The following MAFK variants were observed in gnomAD, a reference collection of about 807,000 sequenced individuals.
MAFK encodes MAF bZIP transcription factor K, also known as transcription factor MafK.
In MAFK, 1 loss-of-function variant was observed where a neutral mutation model predicts 9.2. That is an observed-to-expected ratio of 0.11 (90% CI 0.04 to 0.52). The LOEUF (loss-of-function observed/expected upper bound fraction) is 0.52, where lower values mean the gene tolerates loss of function less well. Ranked by LOEUF, MAFK falls within the 20% of genes least tolerant of loss-of-function variation. The probability of loss-of-function intolerance (pLI) is 0.94; values close to 1 mark genes in which losing one functional copy is unlikely to be tolerated. For synonymous variants in MAFK, 110 were observed against 107.4 expected (o/e 1.02, Z -0.15); for missense variants, 207 against 236.0 (o/e 0.88, Z 0.81).
In MAFK at chr7:1,532,943, C is replaced by G. The variant is rs960983198; in HGVS notation, c.-45+2045C>G. Among the ~76,000 whole-genome samples, 2 of 152,208 alleles carry G rather than the reference C, an allele frequency of 1.3e-5. No individual in the cohort carries two copies. Among genetic ancestry groups the G allele is most frequent in the Admixed American group, 6.5e-5 (1 of 15,276 alleles). ...ACAGTGACTCACCGCTCCGTCCCCA[C>G]CCTCCCTGCTCTCCGCGAATGGAAG... On this transcript the variant is annotated intron_variant, in intron 1 of 2. Transcript: ENST00000343242. The surrounding 1 kb of genome is among the most constrained non-coding windows in gnomAD (Gnocchi z 4.5).
At position 1,540,404 on chromosome 7, in the gene MAFK, G is replaced by GGGGGGCGGGGGGTGGCGGGCT; in HGVS notation, c.*30_*31insGGGGCGGGGGGTGGCGGGCTG. 7.4e-7 allele frequency: 1 copy of GGGGGGCGGGGGGTGGCGGGCT among 1,342,924 alleles called. No individual in the cohort carries two copies. Among genetic ancestry groups the GGGGGGCGGGGGGTGGCGGGCT allele is most frequent in the Non-Finnish European group, 1.0e-6 (1 of 1,002,272 alleles). The allele number at this position is 1,342,924 out of a possible 1,614,324, so 83.2% of individuals were successfully genotyped here. A position where few individuals can be genotyped will look rare whatever the true frequency, so the allele number is the denominator to read the frequency against. ...CGGCCGGGGGCGGGGGGTGGCGGGC[G>GGGGGGCGGGGGGTGGCGGGCT]GCGGGCGGCGGGCAGGCGGGTGGGG... is the stretch of plus-strand genomic sequence containing the variant. On this transcript the variant is annotated 3_prime_UTR_variant, in exon 3 of 3. Coordinates refer to ENST00000343242, the MANE Select transcript of MAFK (RefSeq NM_002360.4).
chr7:1,533,027 G>A (rs904026746), intron 1 of MAFK, among the ~76,000 whole-genome samples: 1 of 152,160 alleles, frequency 6.6e-6, no homozygotes, highest in Non-Finnish European at 1.5e-5. Flanking sequence ...TCATGTTTCC[G>A]CTTTCCTACA....
rs745403860 is a variant in MAFK, at chr7:1,534,269, T to C, written c.-45+3371T>C. The C allele has an allele frequency of 2.0e-5, 9 of 455,668 alleles. No individual in the cohort carries two copies. Among genetic ancestry groups the C allele is most frequent in the Admixed American group, 2.4e-5 (1 of 42,544 alleles). The allele number at this position is 455,668 out of a possible 1,614,324, so 28.2% of individuals were successfully genotyped here. ...GTAGGAAGGGTGTCTGGCTGGTCTC[T>C]GGGACCAGCTGGGCTGCAATTAGTC... On this transcript the variant is annotated intron_variant, in intron 1 of 2. Coordinates refer to ENST00000343242, the MANE Select transcript of MAFK (RefSeq NM_002360.4). The surrounding 1 kb of genome is among the most constrained non-coding windows in gnomAD (Gnocchi z 4.3).
At chr7:1,537,702 T>C in intron 1 of MAFK, 1 of 985,566 alleles carries the variant, frequency 1.0e-6, no homozygotes, top group Non-Finnish European at 1.2e-6. Context: ...GTCTCACCTG[T>C]GCGGCCCTCT....
intron 2 of MAFK, 38 bp from the exon 3 acceptor site, chr7:1,539,903 C>A: frequency 6.8e-7 from 1 of 1,467,684 alleles, no homozygotes; most frequent in Non-Finnish European, 9.1e-7. Context: ...AGACACCCCA[C>A]GTTCTCCCGC....
chr7:1,537,296 C>T (rs1020329376), intron 1 of MAFK: 13 of 819,290 alleles, frequency 1.6e-5, no homozygotes, highest in Non-Finnish European at 1.5e-5. Context: ...GGCCCAGGAG[C>T]GGGTCCTTGC....
rs1012047007 is a variant in MAFK at position 1,539,011 on chromosome 7, T to C, written c.-44-138T>C. On this transcript the variant is annotated intron_variant, in intron 1 of 2. Transcript: ENST00000343242. ...CCCCTCAGGACGGGCTGGGCCCGGA[T>C]GGTGCCCCGTCTTGTTTTCATGGTG... 6 of 692,908 alleles carry C rather than the reference T, an allele frequency of 8.7e-6. No homozygotes were observed. In the African/African-American group the frequency reaches 9.1e-5, roughly 11 times the overall value. The allele number at this position is 692,908 out of a possible 1,614,324, so 42.9% of individuals were successfully genotyped here.
At chr7:1,537,282 C>A in intron 1 of MAFK, 1 of 732,372 alleles carries the variant, frequency 1.4e-6, no homozygotes, top group Non-Finnish European at 1.7e-6. Flanking sequence ...GCAGTGGGCC[C>A]GGGGGCCCAG....
chr7:1,537,370 A>G (rs1784056656), intron 1 of MAFK: 1 of 985,402 alleles, frequency 1.0e-6, no homozygotes, highest in Non-Finnish European at 1.2e-6. Flanking sequence ...GACTCACCGC[A>G]TAGCTATGTC....
At chr7:1,535,772 G>T (rs955229352) in intron 1 of MAFK, among the ~76,000 whole-genome samples, 6 of 152,296 alleles carry the variant, frequency 3.9e-5, no homozygotes, top group Admixed American at 1.3e-4. Flanking sequence ...CTGCCGGGGG[G>T]AGCCCAGGGC....
chr7:1,535,850 C>T (rs1784014961), intron 1 of MAFK, among the ~76,000 whole-genome samples: 2 of 152,330 alleles, frequency 1.3e-5, no homozygotes, highest in Non-Finnish European at 2.9e-5. Flanking sequence ...TTATGGAGCC[C>T]AGGCCCTCAG....
At chr7:1,539,297 C>G (rs1784114491) in intron 2 of MAFK, 69 bp downstream of exon 2, 1 of 1,358,202 alleles carries the variant, frequency 7.4e-7, no homozygotes, top group Admixed American at 1.9e-5. Flanking sequence ...CCGACAGCCC[C>G]TGCTATCCCA....
rs766092208 is a variant in MAFK at position 1,541,739 on chromosome 7, C to A, written c.*1364C>A. On this transcript the variant is annotated 3_prime_UTR_variant, in exon 3 of 3. Coordinates refer to ENST00000343242, the MANE Select transcript of MAFK (RefSeq NM_002360.4). Reference sequence around the variant, plus strand: ...TTGCCTGCTCCTCCTTCCAAGAGCACTGAGGCACCAGTGGGCTTGGCACTC... The same window carrying A: ...TTGCCTGCTCCTCCTTCCAAGAGCAATGAGGCACCAGTGGGCTTGGCACTC... The A allele has an allele frequency of 6.6e-6, 1 of 152,230 alleles. No individual in the cohort carries two copies. The highest frequency in any genetic ancestry group is 2.4e-5 in the African/African-American group (1 of 41,446). The allele number at this position is 152,230 out of a possible 1,614,324, so 9.4% of individuals were successfully genotyped here. A position where few individuals can be genotyped will look rare whatever the true frequency, so the allele number is the denominator to read the frequency against.
In MAFK at chr7:1,534,541, A is replaced by G. The variant is rs1240059007; in HGVS notation, c.-45+3643A>G. ...TTCTGAACCCGTGTCTCTCGCACAG[A>G]GCTCCCGTCCTCCGTTCCTGGTCTT... On this transcript the variant is annotated intron_variant, in intron 1 of 2. Coordinates refer to ENST00000343242, the MANE Select transcript of MAFK (RefSeq NM_002360.4). This position sits in a 1 kb window ranked among gnomAD's most constrained non-coding sequence, Gnocchi z 4.3. 4 of 455,352 alleles carry G rather than the reference A, an allele frequency of 8.8e-6. No individual in the cohort carries two copies. Among genetic ancestry groups the G allele is most frequent in the Non-Finnish European group, 1.3e-5 (3 of 226,438 alleles). The allele number at this position is 455,352 out of a possible 1,614,324, so 28.2% of individuals were successfully genotyped here.
At position 1,537,122 on chromosome 7, in the gene MAFK, G is replaced by A. The variant is rs548788343; in HGVS notation, c.-44-2027G>A. Among the ~76,000 whole-genome samples the A allele has an allele frequency of 1.2e-3, 176 of 152,362 alleles. 1 individual carries two copies. Among genetic ancestry groups the A allele is most frequent in the Non-Finnish European group, 2.1e-3 (141 of 68,036 alleles). ...ACCGTGTGCCTCCGCAGTGTCACAG[G>A]GCATCGCGGAGGCATCTTTTTAGTG... On this transcript the variant is annotated intron_variant, in intron 1 of 2. Transcript: ENST00000343242.
chr7:1,538,718 G>A (rs1025375494), intron 1 of MAFK: 2 of 184,374 alleles, frequency 1.1e-5, no homozygotes, highest in Non-Finnish European at 2.2e-5. Context: ...GGGGCACCTT[G>A]TGCTGTGCAG....
chr7:1,539,812 G>A (rs1380813700), intron 2 of MAFK, 129 bp from the exon 3 acceptor site: 1 of 766,540 alleles, frequency 1.3e-6, no homozygotes, highest in Non-Finnish European at 2.0e-6. Context: ...TCCCTGGTGC[G>A]GATGGCGAAG....
chr7:1,534,283 C>G lies in MAFK; in HGVS notation c.-45+3385C>G, dbSNP rs922576008. The stretch of plus-strand genomic sequence containing the variant: ...TGGCTGGTCTCTGGGACCAGCTGGG[C>G]TGCAATTAGTCGGTTGACACCTGTT... On this transcript the variant is annotated intron_variant, in intron 1 of 2. Coordinates refer to ENST00000343242, the MANE Select transcript of MAFK (RefSeq NM_002360.4). The surrounding 1 kb of genome is among the most constrained non-coding windows in gnomAD (Gnocchi z 4.3). 2 of 455,852 alleles carry G rather than the reference C, an allele frequency of 4.4e-6. No individual in the cohort carries two copies. The highest frequency in any genetic ancestry group is 8.8e-6 in the Non-Finnish European group (2 of 226,632). The allele number at this position is 455,852 out of a possible 1,614,324, so 28.2% of individuals were successfully genotyped here.
Position 1,534,685 on chromosome 7 carries a change from G to C in MAFK, c.-45+3787G>C, listed in dbSNP as rs140557020. On this transcript the variant is annotated intron_variant, in intron 1 of 2. Coordinates refer to ENST00000343242, the MANE Select transcript of MAFK (RefSeq NM_002360.4). The surrounding 1 kb of genome is among the most constrained non-coding windows in gnomAD (Gnocchi z 4.3). ...TGGGCAGCTGAGGGGGTGGGGCATG[G>C]AGTCTGTGTCATCATTCACCCCTTG... 1,389 of 455,490 alleles carry C rather than the reference G, an allele frequency of 3.0e-3. 8 individuals are homozygous for C. The Middle Eastern group carries it at 0.037, about 12-fold the overall frequency. 28.2% of individuals were successfully genotyped at this position (455,490 alleles called of 1,614,324 possible).
Sources: gnomAD v4.1 joint callset for allele counts (sites outside exome capture counted in the v4.1 genomes callset) on GRCh38, gnomAD v4.1.1 for gene constraint, Gnocchi (gnomAD v3.1) non-coding constraint, MANE v1.5 for transcripts, NCBI Gene and HGNC (gene_info 2026-07-23, HGNC 2026-07-21) for gene names.